The following TRIM26 variants were observed in gnomAD, a reference collection of about 807,000 sequenced individuals.
The protein encoded by TRIM26 is tripartite motif-containing protein 26.
Under a neutral mutation model 45.5 loss-of-function variants are expected in TRIM26, and 16 were observed. The observed-to-expected ratio is 0.35, with a 90% CI of 0.24 to 0.53. The LOEUF (loss-of-function observed/expected upper bound fraction) is 0.53. Among genes scored for constraint, TRIM26 ranks in the 20% least tolerant of loss-of-function variants. The pLI is 0.92. For missense variants in TRIM26, 442 were observed against 691.1 expected (o/e 0.64, Z 4.04); for synonymous variants, 273 against 290.4 (o/e 0.94, Z 0.61).
Position 30,185,902 on chromosome 6 carries a change from C to A in TRIM26, c.1594G>T (p.Gly532Ter). ...CAGGGTCTTAGCAGGAGGCGTGTTC[C>A]TGGCCACTTGAGCCACAGGAAGGGG... ...LVPFLWLKWP[G>*]TRLLLRP Residue 532 changes from glycine to a stop codon, truncating the protein, a stop_gained, in exon 10 of 10, where the codon GGA becomes TGA. Transcript: ENST00000454678. LOFTEE classifies it high-confidence loss of function. This position sits in a 1 kb window ranked among gnomAD's most constrained non-coding sequence, Gnocchi z 5.7. 1 of 1,612,792 alleles carries A rather than the reference C, an allele frequency of 6.2e-7. No homozygotes were observed. Among genetic ancestry groups the A allele is most frequent in the South Asian group, 1.1e-5 (1 of 91,042 alleles).
intron 2 of TRIM26, among the ~76,000 whole-genome samples, chr6:30,202,993 AT>A (rs1777339523): frequency 6.6e-6 from 1 of 151,960 alleles, no homozygotes; most frequent in Non-Finnish European, 1.5e-5. Flanking sequence ...ATTGTGGGAA[AT>A]TTGTAAGTAG....
At chr6:30,188,839 G>A (rs1775496420) in intron 9 of TRIM26, among the ~76,000 whole-genome samples, 1 of 152,126 alleles carries the variant, frequency 6.6e-6, no homozygotes, top group Non-Finnish European at 1.5e-5. Context: ...CCTGCTGTTT[G>A]CTCTGAATAT....
chr6:30,186,890 C>A lies in TRIM26; in HGVS notation c.938-332G>T. On this transcript the variant is annotated intron_variant, in intron 9 of 9. Coordinates refer to ENST00000454678, the MANE Select transcript of TRIM26 (RefSeq NM_003449.5). The surrounding 1 kb of genome is among the most constrained non-coding windows in gnomAD (Gnocchi z 7.4). Reference sequence around the variant, plus strand: ...GGTCCAACTCATCATTAATATCATCCAAGTGTGGATCACCAGTCCCTGAAA... The same window carrying A: ...GGTCCAACTCATCATTAATATCATCAAAGTGTGGATCACCAGTCCCTGAAA... The A allele has an allele frequency of 1.4e-6, 1 of 712,116 alleles. No individual in the cohort carries two copies. Among genetic ancestry groups the A allele is most frequent in the South Asian group, 1.6e-5 (1 of 62,570 alleles). 44.1% of individuals were successfully genotyped at this position (712,116 alleles called of 1,614,324 possible). A position where few individuals can be genotyped will look rare whatever the true frequency, so the allele number is the denominator to read the frequency against.
intron 9 of TRIM26, chr6:30,187,558 G>A (rs1188805019): frequency 2.3e-5 from 11 of 479,272 alleles, no homozygotes; most frequent in African/African-American, 1.2e-4. Flanking sequence ...AGAAATTGGC[G>A]GAAGGTGCTA....
Position 30,189,567 on chromosome 6 carries a change from C to A in TRIM26, c.789-34G>T. ...ATGACATACATAACAAGCTGTTACT[C>A]AGCTCTTCTTACTTTCCTTCATACT... On this transcript the variant is annotated intron_variant, in intron 7 of 9. Transcript: ENST00000454678. The surrounding 1 kb of genome is among the most constrained non-coding windows in gnomAD (Gnocchi z 5.0). The A allele has an allele frequency of 6.5e-7, 1 of 1,549,912 alleles. No individual in the cohort carries two copies. Among genetic ancestry groups the A allele is most frequent in the Non-Finnish European group, 8.9e-7 (1 of 1,123,244 alleles).
chr6:30,202,222 T>G (rs1394656254), intron 2 of TRIM26, among the ~76,000 whole-genome samples: 3 of 152,190 alleles, frequency 2.0e-5, no homozygotes, highest in Non-Finnish European at 4.4e-5. Flanking sequence ...ATGCTGGGGT[T>G]TGATGGTCTC....
chr6:30,198,309 C>T lies in TRIM26; in HGVS notation c.534+120G>A. 1 of 1,059,416 alleles carries T rather than the reference C, an allele frequency of 9.4e-7. No homozygotes were observed. The highest frequency in any genetic ancestry group is 1.4e-6 in the Non-Finnish European group (1 of 704,236). 65.6% of individuals were successfully genotyped at this position (1,059,416 alleles called of 1,614,324 possible). ...CCCAGGTCTGCTACTGCCAGGCTGA[C>T]ACCCATCCTCCCTGTGAGCAGCGCC... On this transcript the variant is annotated intron_variant, in intron 5 of 9. Coordinates refer to ENST00000454678, the MANE Select transcript of TRIM26 (RefSeq NM_003449.5). This position sits in a 1 kb window ranked among gnomAD's most constrained non-coding sequence, Gnocchi z 6.3.
At chr6:30,193,162 G>GTATATATATATATATATATATATA (rs1554201636) in intron 6 of TRIM26, among the ~76,000 whole-genome samples, 3 of 32,006 alleles carry the variant, frequency 9.4e-5, no homozygotes, top group East Asian at 1.9e-3. Flanking sequence ...GTGTGTGTGT[G>GTATATATATATATATATATATATA]TATATATATA....
Position 30,190,414 on chromosome 6 carries a change from C to T in TRIM26, c.766-379G>A. 2 of 299,828 alleles carry T rather than the reference C, an allele frequency of 6.7e-6. No homozygotes were observed. Among genetic ancestry groups the T allele is most frequent in the Non-Finnish European group, 1.3e-5 (2 of 155,268 alleles). The allele number at this position is 299,828 out of a possible 1,614,324, so 18.6% of individuals were successfully genotyped here. Reference sequence around the variant, plus strand: ...TGCATGGTAAGGAGTTTCACTTTTGCTCCACGTACAGTGGAAACCCACCAA... The same window carrying T: ...TGCATGGTAAGGAGTTTCACTTTTGTTCCACGTACAGTGGAAACCCACCAA... On this transcript the variant is annotated intron_variant, in intron 6 of 9. Transcript: ENST00000454678. This position sits in a 1 kb window ranked among gnomAD's most constrained non-coding sequence, Gnocchi z 4.3.
chr6:30,189,028 G>T lies in TRIM26; in HGVS notation c.937+139C>A. 2.3e-6 allele frequency: 2 copies of T among 888,382 alleles called. No homozygotes were observed. The highest frequency in any genetic ancestry group is 3.5e-6 in the Non-Finnish European group (2 of 567,796). 55.0% of individuals were successfully genotyped at this position (888,382 alleles called of 1,614,324 possible). A position where few individuals can be genotyped will look rare whatever the true frequency, so the allele number is the denominator to read the frequency against. ...CTGATTAGAAAGTGCAAAGAGGGAG[G>T]GGGGCTTCTATTGTGCAGCTGGGAA... is the stretch of plus-strand genomic sequence containing the variant. On this transcript the variant is annotated intron_variant, in intron 9 of 9. Coordinates refer to ENST00000454678, the MANE Select transcript of TRIM26 (RefSeq NM_003449.5). The surrounding 1 kb of genome is among the most constrained non-coding windows in gnomAD (Gnocchi z 5.0).
chr6:30,189,047 C>G lies in TRIM26; in HGVS notation c.937+120G>C. The G allele has an allele frequency of 5.4e-6, 6 of 1,118,136 alleles. No individual in the cohort carries two copies. The highest frequency in any genetic ancestry group is 7.8e-6 in the Non-Finnish European group (6 of 771,610). 69.3% of individuals were successfully genotyped at this position (1,118,136 alleles called of 1,614,324 possible). On this transcript the variant is annotated intron_variant, in intron 9 of 9. Coordinates refer to ENST00000454678, the MANE Select transcript of TRIM26 (RefSeq NM_003449.5). The surrounding 1 kb of genome is among the most constrained non-coding windows in gnomAD (Gnocchi z 5.0). ...AGGGAGGGGGGCTTCTATTGTGCAGCTGGGAAATTCTTCCTGTTGCAAAAG... is the reference window on the plus strand; with the variant it reads ...AGGGAGGGGGGCTTCTATTGTGCAGGTGGGAAATTCTTCCTGTTGCAAAAG...
At position 30,198,645 on chromosome 6, in the gene TRIM26, T is replaced by C; in HGVS notation, c.438+21A>G. ...ATCCAGAGAAGGTGGCAAGGCACCC[T>C]CGGGGGTGAAGAGGGCTTACCCTGT... On this transcript the variant is annotated intron_variant, in intron 4 of 9. Coordinates refer to ENST00000454678, the MANE Select transcript of TRIM26 (RefSeq NM_003449.5). This position sits in a 1 kb window ranked among gnomAD's most constrained non-coding sequence, Gnocchi z 6.3. 1 of 1,603,910 alleles carries C rather than the reference T, an allele frequency of 6.2e-7. No homozygotes were observed. Among genetic ancestry groups the C allele is most frequent in the Non-Finnish European group, 8.5e-7 (1 of 1,176,390 alleles).
At chr6:30,188,245 A>G (rs1444953551) in intron 9 of TRIM26, 5 of 328,310 alleles carry the variant, frequency 1.5e-5, no homozygotes, top group Non-Finnish European at 2.9e-5. Context: ...AAAAAAAAGA[A>G]ATTTGGGACA....
At chr6:30,208,094 A>G (rs1458451708) in intron 1 of TRIM26, among the ~76,000 whole-genome samples, 1 of 152,242 alleles carries the variant, frequency 6.6e-6, no homozygotes, top group Admixed American at 6.5e-5. Flanking sequence ...ATTACTTGGC[A>G]CAGAGTAGAC....
In TRIM26 at chr6:30,186,272, G is replaced by A. The variant is rs16897204; in HGVS notation, c.1224C>T (p.Asp408=). The A allele has an allele frequency of 0.043, 69,617 of 1,607,068 alleles. 1,783 individuals carry two copies. Among genetic ancestry groups the A allele is most frequent in the Middle Eastern group, 0.098 (591 of 6,054 alleles). Residue 408 remains aspartate (D), a synonymous_variant, in exon 10 of 10, where the codon GAC becomes GAT. Coordinates refer to ENST00000454678, the MANE Select transcript of TRIM26 (RefSeq NM_003449.5). This position sits in a 1 kb window ranked among gnomAD's most constrained non-coding sequence, Gnocchi z 7.4. ...EEEAGYGDGY[D]DWETDEDEES... ...CCTCATCTTCGTCCGTTTCCCAGTC[G>A]TCATATCCATCCCCATAGCCGGCCT...
At chr6:30,187,372 G>C (rs2517622) in intron 9 of TRIM26, 25,122 of 364,372 alleles carry the variant, frequency 0.069, 1,284 homozygotes, top group Non-Finnish European at 0.098. Flanking sequence ...GGCAACTCCT[G>C]AAGACCAACC....
Position 30,189,866 on chromosome 6 carries a change from G to T in TRIM26, c.788+147C>A. On this transcript the variant is annotated intron_variant, in intron 7 of 9. Coordinates refer to ENST00000454678, the MANE Select transcript of TRIM26 (RefSeq NM_003449.5). This position sits in a 1 kb window ranked among gnomAD's most constrained non-coding sequence, Gnocchi z 5.0. ...TCTCCAGTTCTCAATGATGTGTCCT[G>T]CTCCTCAGAAGGGCATCAGGATGAA... is the stretch of plus-strand genomic sequence containing the variant. The T allele has an allele frequency of 1.1e-6, 1 of 915,968 alleles. No homozygotes were observed. Among genetic ancestry groups the T allele is most frequent in the Non-Finnish European group, 1.7e-6 (1 of 578,128 alleles). 56.7% of individuals were successfully genotyped at this position (915,968 alleles called of 1,614,324 possible).
intron 1 of TRIM26, among the ~76,000 whole-genome samples, chr6:30,206,355 G>A (rs9391802): frequency 0.14 from 20,775 of 152,220 alleles, 1,929 homozygotes; most frequent in East Asian, 0.34. Context: ...CCACGGAGCC[G>A]AGCATCAGTG....
At position 30,190,070 on chromosome 6, in the gene TRIM26, T is replaced by C. The variant is rs1322716457; in HGVS notation, c.766-35A>G. 1.2e-6 allele frequency: 2 copies of C among 1,611,550 alleles called. No homozygotes were observed. The highest frequency in any genetic ancestry group is 2.2e-5 in the East Asian group (1 of 44,874). On this transcript the variant is annotated intron_variant, in intron 6 of 9. Coordinates refer to ENST00000454678, the MANE Select transcript of TRIM26 (RefSeq NM_003449.5). The surrounding 1 kb of genome is among the most constrained non-coding windows in gnomAD (Gnocchi z 4.3). ...AAAGAAAAAAGCACAAGTATCAATATGAATCAAATAAGACTTCAATGCATC... is the reference window on the plus strand; with the variant it reads ...AAAGAAAAAAGCACAAGTATCAATACGAATCAAATAAGACTTCAATGCATC...
Sources: gnomAD v4.1 joint callset for allele counts (sites outside exome capture counted in the v4.1 genomes callset) on GRCh38, gnomAD v4.1.1 for gene constraint, Gnocchi (gnomAD v3.1) non-coding constraint, MANE v1.5 for transcripts, NCBI Gene and HGNC (gene_info 2026-07-23, HGNC 2026-07-21) for gene names.